Variants in ASB5 observed in about 807,000 individuals in gnomAD.
The protein encoded by ASB5 is ankyrin repeat and SOCS box containing 5.
ASB5 carries 45 observed loss-of-function variants against 42.1 expected under a neutral mutation model. That is an observed-to-expected ratio of 1.07 (90% CI 0.84 to 1.37). ASB5 has a LOEUF of 1.37. Among genes scored for constraint, ASB5 ranks in the 40% most tolerant of loss-of-function variants. The pLI, the probability that ASB5 is intolerant of heterozygous loss-of-function variation, is 0.00. For missense variants in ASB5, 402 were observed against 399.8 expected (o/e 1.01, Z -0.05); for synonymous variants, 147 against 150.6 (o/e 0.98, Z 0.18).
At chr4:176,258,761 T>G (rs1579333482) in intron 1 of ASB5, among the ~76,000 whole-genome samples, 1 of 152,186 alleles carries the variant, frequency 6.6e-6, no homozygotes, top group Non-Finnish European at 1.5e-5. Flanking sequence ...CTTTCTAAAA[T>G]GGAGCTTTAA....
upstream of ASB5, among the ~76,000 whole-genome samples, chr4:176,273,718 ACTAGAAATTG>A (rs1385240710): frequency 1.3e-5 from 2 of 152,230 alleles, no homozygotes; most frequent in Non-Finnish European, 2.9e-5. Context: ...ATCTGCCCTA[ACTAGAAATTG>A]CTTTAGGTTA....
intron 1 of ASB5, among the ~76,000 whole-genome samples, chr4:176,252,997 C>T (rs1201421959): frequency 6.6e-6 from 1 of 152,112 alleles, no homozygotes; most frequent in Non-Finnish European, 1.5e-5. Context: ...ATTAGCATTA[C>T]ATTAAAGTGT....
chr4:176,246,968 T>C (rs1753925319), intron 1 of ASB5, among the ~76,000 whole-genome samples: 1 of 152,192 alleles, frequency 6.6e-6, no homozygotes, highest in African/African-American at 2.4e-5. Context: ...TAGATTCCTA[T>C]TAGAATTAAT....
At chr4:176,271,191 G>C (rs902515901), upstream of ASB5, among the ~76,000 whole-genome samples, 1 of 152,106 alleles carries the variant, frequency 6.6e-6, no homozygotes, top group Non-Finnish European at 1.5e-5. Flanking sequence ...TGTATGTTCT[G>C]TTGGTATACT....
At chr4:176,254,120 C>T (rs1380314127) in intron 1 of ASB5, among the ~76,000 whole-genome samples, 1 of 152,108 alleles carries the variant, frequency 6.6e-6, no homozygotes, top group East Asian at 1.9e-4. Flanking sequence ...CAATCCTAAG[C>T]AAACAGAACA....
At chr4:176,266,767 A>G (rs1397683687) in intron 1 of ASB5, among the ~76,000 whole-genome samples, 1 of 152,148 alleles carries the variant, frequency 6.6e-6, no homozygotes, top group African/African-American at 2.4e-5. Context: ...CAAAATTTGT[A>G]AAAACTTTGC....
At chr4:176,261,032 T>A (rs1474221946) in intron 1 of ASB5, among the ~76,000 whole-genome samples, 1 of 152,226 alleles carries the variant, frequency 6.6e-6, no homozygotes, top group African/African-American at 2.4e-5. Context: ...TTTTAATTTT[T>A]AAAAATTATT....
At chr4:176,244,330 G>A (rs1753869085) in intron 1 of ASB5, among the ~76,000 whole-genome samples, 1 of 152,110 alleles carries the variant, frequency 6.6e-6, no homozygotes, top group South Asian at 2.1e-4. Flanking sequence ...ATACACCAAA[G>A]CACAAATTCA....
chr4:176,269,025 C>T lies in ASB5; in HGVS notation c.84G>A (p.Lys28=), dbSNP rs1239213987. 6.2e-7 allele frequency: 1 copy of T among 1,613,582 alleles called. No individual in the cohort carries two copies. The highest frequency in any genetic ancestry group is 8.5e-7 in the Non-Finnish European group (1 of 1,179,734). ...YFTILSLFCF[K]LFVKISLAIL... ...TGGCAAGGCTGATTTTCACAAAAAGCTTAAAACAGAACAGCGAAAGTATTG... is the reference window on the plus strand; with the variant it reads ...TGGCAAGGCTGATTTTCACAAAAAGTTTAAAACAGAACAGCGAAAGTATTG... Residue 28 remains lysine, a synonymous_variant, in exon 1 of 7, where the codon AAG becomes AAA. Coordinates refer to ENST00000296525, the MANE Select transcript of ASB5 (RefSeq NM_080874.4).
At chr4:176,256,430 A>G (rs1579332422) in intron 1 of ASB5, among the ~76,000 whole-genome samples, 1 of 152,310 alleles carries the variant, frequency 6.6e-6, no homozygotes, top group South Asian at 2.1e-4. Context: ...TAAAGGGGCA[A>G]GGGTTCCTGG....
intron 1 of ASB5, among the ~76,000 whole-genome samples, chr4:176,264,197 G>C (rs1754316062): frequency 6.6e-6 from 1 of 152,190 alleles, no homozygotes; most frequent in African/African-American, 2.4e-5. Flanking sequence ...AGTGTCACCA[G>C]ATTGTTTCTC....
intron 1 of ASB5, among the ~76,000 whole-genome samples, chr4:176,248,373 C>T (rs1220572205): frequency 6.6e-6 from 1 of 151,840 alleles, no homozygotes; most frequent in East Asian, 1.9e-4. Context: ...CCACCCACCT[C>T]GACCTACCAA....
rs1753117758 is a variant in ASB5, at chr4:176,219,460, TATATATATTTGTATGATATATAA to T, written c.670+1672_670+1694del. Among the ~76,000 whole-genome samples, 6 of 61,550 alleles carry T rather than the reference TATATATATTTGTATGATATATAA, an allele frequency of 9.7e-5. 1 individual carries two copies. The highest frequency in any genetic ancestry group is 2.9e-4 in the African/African-American group (6 of 20,882). The allele number at this position is 61,550 out of a possible 152,430, so 40.4% of individuals were successfully genotyped here. A position where few individuals can be genotyped will look rare whatever the true frequency, so the allele number is the denominator to read the frequency against. On this transcript the variant is annotated intron_variant, in intron 5 of 6. Coordinates refer to ENST00000296525, the MANE Select transcript of ASB5 (RefSeq NM_080874.4). The stretch of plus-strand genomic sequence containing the variant: ...TATATATATTTGTATGATATATAAA[TATATATATTTGTATGATATATAA>T]ATATATATATTTGTATGATATATAA...
At chr4:176,257,805 T>C (rs1754183513) in intron 1 of ASB5, among the ~76,000 whole-genome samples, 1 of 152,204 alleles carries the variant, frequency 6.6e-6, no homozygotes, top group Admixed American at 6.5e-5. Flanking sequence ...AAGAGGAATC[T>C]GGGTTGGAAT....
Position 176,221,499 on chromosome 4 carries a change from G to T in ASB5, c.486C>A (p.Ala162=). 6.2e-7 allele frequency: 1 copy of T among 1,614,122 alleles called. No individual in the cohort carries two copies. Among genetic ancestry groups the T allele is most frequent in the Non-Finnish European group, 8.5e-7 (1 of 1,180,010 alleles). Residue 162 remains alanine (A), a synonymous_variant, in exon 4 of 7, where the codon GCC becomes GCA. Coordinates refer to ENST00000296525, the MANE Select transcript of ASB5 (RefSeq NM_080874.4). ...GGGATGGAAGACATGACTCCAGCTG[G>T]GCTTTGGCACCATACTCCAGAAGCA... ...AELLLEYGAK[A]QLESCLPSPT...
chr4:176,242,683 G>A (rs1008410134), intron 1 of ASB5, among the ~76,000 whole-genome samples: 1 of 152,116 alleles, frequency 6.6e-6, no homozygotes, highest in African/African-American at 2.4e-5. Context: ...ACCAGCTTTT[G>A]GCTTTGTTGA....
chr4:176,245,755 G>T (rs953127826), intron 1 of ASB5, among the ~76,000 whole-genome samples: 1 of 152,162 alleles, frequency 6.6e-6, no homozygotes, highest in East Asian at 1.9e-4. Flanking sequence ...CAGCGACATG[G>T]ATGAAGCTGG....
intron 1 of ASB5, among the ~76,000 whole-genome samples, chr4:176,240,738 A>G (rs1753792894): frequency 6.6e-6 from 1 of 152,238 alleles, no homozygotes; most frequent in South Asian, 2.1e-4. Context: ...TACACAACCA[A>G]TTACAAACTT....
At chr4:176,276,791 C>G (rs1459435247) in intron 1 of ASB5, among the ~76,000 whole-genome samples, 1 of 152,112 alleles carries the variant, frequency 6.6e-6, no homozygotes, top group African/African-American at 2.4e-5. Context: ...TTACCGTAAC[C>G]CTAACGCAAC....
Sources: gnomAD v4.1 joint callset for allele counts (sites outside exome capture counted in the v4.1 genomes callset) on GRCh38, gnomAD v4.1.1 for gene constraint, MANE v1.5 for transcripts, NCBI Gene and HGNC (gene_info 2026-07-23, HGNC 2026-07-21) for gene names.